MED20: variants seen among roughly 807,000 people sequenced by gnomAD.
MED20 encodes the protein mediator of RNA polymerase II transcription subunit 20.
In MED20, 19 loss-of-function variants were observed where a neutral mutation model predicts 19.7. The observed-to-expected ratio is 0.96, with a 90% CI of 0.67 to 1.42. The LOEUF (loss-of-function observed/expected upper bound fraction) is 1.42, where lower values mean the gene tolerates loss of function less well. MED20 is among the 40% of genes most tolerant of loss of function. The probability of loss-of-function intolerance (pLI) is 0.00; values close to 1 mark genes in which losing one functional copy is unlikely to be tolerated. For synonymous variants in MED20, 105 were observed against 104.8 expected, an observed-to-expected ratio of 1.00 and a Z score of -0.01; for missense variants, 225 against 273.0, an observed-to-expected ratio of 0.82 and a Z score of 1.24.
At position 41,916,782 on chromosome 6, in the gene MED20, G is replaced by T; in HGVS notation, c.169+3C>A. On this transcript the variant is annotated splice_donor_region_variant and intron_variant, in intron 2 of 3. Transcript: ENST00000265350. ...AGCCATCCTACAGACCCATCTCACT[G>T]ACCTTGGCTGCCAAGGGTAGAGGCG... 1 of 1,613,774 alleles carries T rather than the reference G, an allele frequency of 6.2e-7. No individual in the cohort carries two copies. Among genetic ancestry groups the T allele is most frequent in the South Asian group, 1.1e-5 (1 of 91,052 alleles).
Position 41,906,691 on chromosome 6 carries a change from A to T in MED20, c.*381T>A. 5.0e-6 allele frequency: 1 copy of T among 198,764 alleles called. No homozygotes were observed. Among genetic ancestry groups the T allele is most frequent in the Non-Finnish European group, 1.0e-5 (1 of 95,720 alleles). 12.3% of individuals were successfully genotyped at this position (198,764 alleles called of 1,614,324 possible). On this transcript the variant is annotated 3_prime_UTR_variant, in exon 4 of 4. Transcript: ENST00000265350. ...TCCAAACATAAAATGCAGCATGTTC[A>T]CCATTGGCCTGGGACAAATCCTTAA...
intron 2 of MED20, among the ~76,000 whole-genome samples, chr6:41,913,835 T>G (rs1201631868): frequency 6.6e-6 from 1 of 151,836 alleles, no homozygotes; most frequent in Non-Finnish European, 1.5e-5. Flanking sequence ...GAGGTGGAGG[T>G]TGCAGTGAGA....
In MED20 at chr6:41,909,267, A is replaced by AT; in HGVS notation, c.423+1_423+2insA. 1 of 1,612,846 alleles carries AT rather than the reference A, an allele frequency of 6.2e-7. No homozygotes were observed. Among genetic ancestry groups the AT allele is most frequent in the East Asian group, 2.2e-5 (1 of 44,852 alleles). On this transcript the variant is annotated splice_donor_variant, in intron 3 of 3. Coordinates refer to ENST00000265350, the MANE Select transcript of MED20 (RefSeq NM_004275.5). LOFTEE classifies it high-confidence loss of function. ...CTGCTCCTATTTTCACCAAGGTCTT[A>AT]CCTCCACAGAGATGCCCCGGGCACT...
rs568194056 is a variant in MED20 at position 41,914,712 on chromosome 6, C to G, written c.169+2073G>C. Among the ~76,000 whole-genome samples the G allele has an allele frequency of 2.0e-5, 3 of 151,334 alleles. No individual in the cohort carries two copies. The East Asian group carries it at 5.8e-4, about 29-fold the overall frequency. ...GCCGGGCAACGAAGTGAGACTCTCA[C>G]TCTAAAAAGAAAAAAAAAAAAAGTC... On this transcript the variant is annotated intron_variant, in intron 2 of 3. Transcript: ENST00000265350.
chr6:41,910,068 G>A (rs1185684492), intron 2 of MED20, among the ~76,000 whole-genome samples: 1 of 152,116 alleles, frequency 6.6e-6, no homozygotes, highest in East Asian at 1.9e-4. Context: ...TGGGATCCAA[G>A]CTGTGATAGG....
In MED20 at chr6:41,907,095, C is replaced by A; in HGVS notation, c.616G>T (p.Val206Leu). The A allele has an allele frequency of 6.2e-7, 1 of 1,613,820 alleles. No individual in the cohort carries two copies. Among genetic ancestry groups the A allele is most frequent in the Non-Finnish European group, 8.5e-7 (1 of 1,179,996 alleles). ...CACTAACGAATCCCAGCCACCGGCACCTGCTGCTGCTTGCGGATCTTGTTG... is the reference window on the plus strand; with the variant it reads ...CACTAACGAATCCCAGCCACCGGCAACTGCTGCTGCTTGCGGATCTTGTTG... ...LFNKIRKQQQ[V>L]PVAGIR The change falls in exon 4 of 4, where the codon GTG (valine) becomes TTG (leucine). Residue 206 changes from valine (V) to leucine (L), a missense_variant. Transcript: ENST00000265350.
chr6:41,907,388 A>G (rs867096342), intron 3 of MED20, 101 bp from the exon 4 acceptor site: 5 of 1,094,888 alleles, frequency 4.6e-6, no homozygotes, highest in Non-Finnish European at 5.3e-6. Flanking sequence ...CCCAACCCCG[A>G]GCTAAAGACA....
At chr6:41,920,933 C>A in intron 1 of MED20, 72 bp downstream of exon 1, 1 of 1,561,434 alleles carries the variant, frequency 6.4e-7, no homozygotes, top group Non-Finnish European at 8.7e-7. Flanking sequence ...GGACGGCGGA[C>A]CATGGTCAAG....
Position 41,906,202 on chromosome 6 carries a change from T to C in MED20, c.*870A>G, listed in dbSNP as rs1775041613. The C allele has an allele frequency of 6.6e-6, 1 of 152,258 alleles. No homozygotes were observed. Among genetic ancestry groups the C allele is most frequent in the Non-Finnish European group, 1.5e-5 (1 of 68,068 alleles). The allele number at this position is 152,258 out of a possible 1,614,324, so 9.4% of individuals were successfully genotyped here. On this transcript the variant is annotated 3_prime_UTR_variant, in exon 4 of 4. Coordinates refer to ENST00000265350, the MANE Select transcript of MED20 (RefSeq NM_004275.5). Reference sequence around the variant, plus strand: ...AGTGTGGCCACAGTGATCTGAGCAATGCTCAGTCATATCTTTTTTTTAAAA... The same window carrying C: ...AGTGTGGCCACAGTGATCTGAGCAACGCTCAGTCATATCTTTTTTTTAAAA...
intron 2 of MED20, among the ~76,000 whole-genome samples, chr6:41,910,509 G>A (rs1236645903): frequency 2.0e-5 from 3 of 151,866 alleles, no homozygotes; most frequent in African/African-American, 7.3e-5. Context: ...GTGCACGCCT[G>A]TAATCCCAGC....
chr6:41,908,843 G>A (rs1008410630), intron 3 of MED20: 4 of 193,624 alleles, frequency 2.1e-5, no homozygotes, highest in Admixed American at 5.9e-5. Flanking sequence ...AGGAAGCATA[G>A]ATGCCTTGGA....
intron 2 of MED20, among the ~76,000 whole-genome samples, chr6:41,911,101 C>T (rs191423871): frequency 2.0e-4 from 28 of 136,736 alleles, no homozygotes; most frequent in Non-Finnish European, 2.4e-4. Context: ...AGCGAGACTC[C>T]ATCTCAAAAA....
chr6:41,916,722 TAACTC>T, intron 2 of MED20, 58 bp downstream of exon 2: 1 of 1,578,794 alleles, frequency 6.3e-7, no homozygotes. Flanking sequence ...AGACTTCAAT[TAACTC>T]AAATGTCTCT....
At position 41,907,102 on chromosome 6, in the gene MED20, C is replaced by T; in HGVS notation, c.609G>A (p.Gln203=). ...GAATCCCAGCCACCGGCACCTGCTG[C>T]TGCTTGCGGATCTTGTTGAAGAGTT... is the stretch of plus-strand genomic sequence containing the variant. ...YMELFNKIRK[Q]QQVPVAGIR Residue 203 remains glutamine (Q), a synonymous_variant, in exon 4 of 4, where the codon CAG becomes CAA. Coordinates refer to ENST00000265350, the MANE Select transcript of MED20 (RefSeq NM_004275.5). The T allele has an allele frequency of 6.2e-7, 1 of 1,613,956 alleles. No individual in the cohort carries two copies. Among genetic ancestry groups the T allele is most frequent in the South Asian group, 1.1e-5 (1 of 91,076 alleles).
chr6:41,909,608 G>T, intron 2 of MED20, 86 bp from the exon 3 acceptor site: 2 of 1,553,760 alleles, frequency 1.3e-6, no homozygotes, highest in Non-Finnish European at 1.7e-6. Flanking sequence ...CCGGAATGAG[G>T]CCAGACAGCA....
intron 2 of MED20, among the ~76,000 whole-genome samples, chr6:41,916,116 C>T (rs891333621): frequency 6.6e-6 from 1 of 151,876 alleles, no homozygotes; most frequent in African/African-American, 2.4e-5. Context: ...GGCGTGGTGG[C>T]TCATGCCTGT....
Position 41,921,036 on chromosome 6 carries a change from G to T in MED20, c.-18C>A. 2 of 1,612,122 alleles carry T rather than the reference G, an allele frequency of 1.2e-6. No homozygotes were observed. Among genetic ancestry groups the T allele is most frequent in the African/African-American group, 2.7e-5 (2 of 74,942 alleles). On this transcript the variant is annotated 5_prime_UTR_variant, in exon 1 of 4. Coordinates refer to ENST00000265350, the MANE Select transcript of MED20 (RefSeq NM_004275.5). ...ACTCCCATGGCGTCGGGCCAGGAAG[G>T]TGGCAGAATCACACAGTAGAAACGC...
intron 3 of MED20, 150 bp from the exon 4 acceptor site, chr6:41,907,437 C>T (rs1227160677): frequency 4.1e-6 from 3 of 723,520 alleles, no homozygotes; most frequent in Non-Finnish European, 6.7e-6. Context: ...AGGAAACATT[C>T]AACCTAAACA....
Position 41,907,119 on chromosome 6 carries a change from TGAA to T in MED20, c.589_591del (p.Phe197del), listed in dbSNP as rs1363613521. Reference sequence around the variant, plus strand: ...ACCTGCTGCTGCTTGCGGATCTTGTTGAAGAGTTCCATGTACTGGACCATGGTA... The same window carrying T: ...ACCTGCTGCTGCTTGCGGATCTTGTTGAGTTCCATGTACTGGACCATGGTA... On this transcript the variant is annotated inframe_deletion, in exon 4 of 4. Coordinates refer to ENST00000265350, the MANE Select transcript of MED20 (RefSeq NM_004275.5). 1.3e-5 allele frequency: 21 copies of T among 1,613,856 alleles called. No homozygotes were observed. The highest frequency in any genetic ancestry group is 1.8e-5 in the Non-Finnish European group (21 of 1,180,014).
Sources: gnomAD v4.1 joint callset for allele counts (sites outside exome capture counted in the v4.1 genomes callset) on GRCh38, gnomAD v4.1.1 for gene constraint, MANE v1.5 for transcripts, NCBI Gene and HGNC (gene_info 2026-07-23, HGNC 2026-07-21) for gene names.